FGFR1: variants seen among roughly 807,000 people sequenced by gnomAD.
FGFR1 encodes FGFR1/PLAG1 fusion.
In FGFR1, 18 loss-of-function variants were observed where a neutral mutation model predicts 93.7. The ratio of observed to expected loss-of-function variants is 0.19; its 90% CI spans 0.13 to 0.28. FGFR1 has a LOEUF of 0.28. Among genes scored for constraint, FGFR1 ranks in the 10% least tolerant of loss-of-function variants. The pLI is 1.00. For synonymous variants in FGFR1, 448 were observed against 429.3 expected (o/e 1.04, Z -0.54); for missense variants, 731 against 1,080.4 (o/e 0.68, Z 4.53).
At chr8:38,444,339 T>C (rs1018870129) in intron 2 of FGFR1, among the ~76,000 whole-genome samples, 2 of 151,986 alleles carry the variant, frequency 1.3e-5, no homozygotes, top group Admixed American at 6.6e-5. Context: ...AACATGAACG[T>C]TGAGCATTTA....
intron 2 of FGFR1, among the ~76,000 whole-genome samples, chr8:38,455,435 C>A (rs1025939384): frequency 1.3e-5 from 2 of 152,152 alleles, no homozygotes; most frequent in South Asian, 4.1e-4. Context: ...GGACTACAGG[C>A]GCCTGCCACT....
chr8:38,423,956 C>T, intron 7 of FGFR1: 2 of 187,896 alleles, frequency 1.1e-5, no homozygotes, highest in South Asian at 2.2e-4. Flanking sequence ...AATTACCTTC[C>T]CTGGATTAAT....
chr8:38,427,240 A>T (rs1459117822), intron 5 of FGFR1, among the ~76,000 whole-genome samples: 2 of 152,330 alleles, frequency 1.3e-5, no homozygotes, highest in Middle Eastern at 3.4e-3. Flanking sequence ...AAAACCAGAA[A>T]ATACCTAATA....
intron 6 of FGFR1, among the ~76,000 whole-genome samples, chr8:38,425,770 C>T (rs1393129737): frequency 6.6e-6 from 1 of 152,216 alleles, no homozygotes; most frequent in African/African-American, 2.4e-5. Flanking sequence ...ATGAGCATTA[C>T]AGGGCAGGTA....
chr8:38,413,939 G>A lies in FGFR1; in HGVS notation c.2271C>T (p.Ile757=), dbSNP rs369782405. The A allele has an allele frequency of 1.3e-5, 21 of 1,614,040 alleles. 1 individual carries two copies. In the East Asian group the frequency reaches 1.3e-4, roughly 10 times the overall value. The part of the protein sequence containing the change: ...FKQLVEDLDR[I]VALTSNQEYL... ...TTACCTGGTTGGAGGTCAAGGCCAC[G>A]ATGCGGTCCAGGTCTTCCACCAGCT... The change falls in exon 17 of 18, where the codon ATC becomes ATT. Residue 757 remains isoleucine (I), a synonymous_variant. Coordinates refer to ENST00000447712, the MANE Select transcript of FGFR1 (RefSeq NM_023110.3). The surrounding 1 kb of genome is among the most constrained non-coding windows in gnomAD (Gnocchi z 4.2).
chr8:38,466,696 G>C lies in FGFR1; in HGVS notation c.-89+1285C>G, dbSNP rs573141139. The C allele has an allele frequency of 5.4e-5, 12 of 222,444 alleles. 1 individual carries two copies. In the South Asian group the frequency reaches 2.0e-3, roughly 38 times the overall value. 13.8% of individuals were successfully genotyped at this position (222,444 alleles called of 1,614,324 possible). On this transcript the variant is annotated intron_variant, in intron 1 of 17. Transcript: ENST00000447712. ...GGCTGAAGAATCTGAGTTTTAATTTGGGGGAGGGGGAGGGGAGGAAGAGGG... is the reference window on the plus strand; with the variant it reads ...GGCTGAAGAATCTGAGTTTTAATTTCGGGGAGGGGGAGGGGAGGAAGAGGG...
intron 11 of FGFR1, 132 bp downstream of exon 11, chr8:38,417,738 G>A: frequency 2.3e-6 from 3 of 1,301,148 alleles, no homozygotes; most frequent in Admixed American, 1.7e-5. Context: ...CCACTCCCAG[G>A]TAACCCCAAG....
chr8:38,419,902 G>A (rs774650062), intron 8 of FGFR1, 167 bp from the exon 9 acceptor site: 44 of 619,568 alleles, frequency 7.1e-5, no homozygotes, highest in Non-Finnish European at 1.1e-4. Flanking sequence ...GGAGGATCAG[G>A]CAACCCCCTG....
At chr8:38,466,903 C>T (rs1057428006) in intron 1 of FGFR1, among the ~76,000 whole-genome samples, 5 of 126,098 alleles carry the variant, frequency 4.0e-5, no homozygotes, top group South Asian at 2.9e-4. Context: ...CCACCCCCCC[C>T]CCACCACCAC....
At chr8:38,462,302 G>A (rs990643511) in intron 1 of FGFR1, among the ~76,000 whole-genome samples, 1 of 151,968 alleles carries the variant, frequency 6.6e-6, no homozygotes, top group Non-Finnish European at 1.5e-5. Flanking sequence ...TCAAGAGGTC[G>A]ACACCATCCT....
intron 13 of FGFR1, among the ~76,000 whole-genome samples, chr8:38,415,469 T>A (rs1475224609): frequency 2.1e-5 from 2 of 96,396 alleles, no homozygotes; most frequent in African/African-American, 2.8e-5. Flanking sequence ...AATTTTTTAA[T>A]TTTTTTTTTT....
At position 38,429,784 on chromosome 8, in the gene FGFR1, C is replaced by T. The variant is rs1404670039; in HGVS notation, c.256G>A (p.Val86Met). 3.1e-6 allele frequency: 5 copies of T among 1,611,728 alleles called. No homozygotes were observed. Among genetic ancestry groups the T allele is most frequent in the South Asian group, 2.2e-5 (2 of 90,396 alleles). The change falls in exon 3 of 18, where the codon GTG (valine) becomes ATG (methionine). Residue 86 changes from valine (V) to methionine (M), a missense_variant. By Grantham distance (21) the Val-to-Met change is conservative. Around this residue, in one of 10 missense-constraint regions of FGFR1, gnomAD observed 212 missense variants for 205.8 expected, o/e 1.03. Coordinates refer to ENST00000447712, the MANE Select transcript of FGFR1 (RefSeq NM_023110.3). This position sits in a 1 kb window ranked among gnomAD's most constrained non-coding sequence, Gnocchi z 4.4. ...GCGGGCACGGAGTCCTGCACCTCCACCTCCTCCCCTGTGATGCGGGTGCGG... is the reference window on the plus strand; with the variant it reads ...GCGGGCACGGAGTCCTGCACCTCCATCTCCTCCCCTGTGATGCGGGTGCGG... ...SNRTRITGEE[V>M]EVQDSVPADS...
At chr8:38,458,782 G>A (rs1009828924) in intron 1 of FGFR1, 2 of 220,156 alleles carry the variant, frequency 9.1e-6, no homozygotes, top group Non-Finnish European at 1.8e-5. Context: ...AAAATTGTAC[G>A]AATCACATCC....
At chr8:38,425,013 C>T (rs1586296345) in intron 6 of FGFR1, among the ~76,000 whole-genome samples, 1 of 152,356 alleles carries the variant, frequency 6.6e-6, no homozygotes, top group East Asian at 1.9e-4. Context: ...CCTTAAAAAA[C>T]CAGAGTCACT....
chr8:38,428,660 A>G, intron 3 of FGFR1: 3 of 569,572 alleles, frequency 5.3e-6, no homozygotes, highest in East Asian at 3.0e-5. Context: ...AAGCCTTCAC[A>G]CTGGGTGGTT....
At chr8:38,442,457 TCCCAGCCATGTGTCTGCAGCTGCGA>T (rs1188960841) in intron 2 of FGFR1, among the ~76,000 whole-genome samples, 1 of 151,028 alleles carries the variant, frequency 6.6e-6, no homozygotes, top group East Asian at 2.0e-4. Flanking sequence ...AGCCCAGGCC[TCCCAGCCATGTGTCTGCAGCTGCGA>T]CCTGTCATGC....
In FGFR1 at chr8:38,419,563, G is replaced by A. The variant is rs1385973486; in HGVS notation, c.1254C>T (p.Ala418=). Residue 418 remains alanine (A), a synonymous_variant, in exon 9 of 18, where the codon GCC becomes GCT. Transcript: ENST00000447712. ...CCTGTCTGCGCAGAGGGATGCTCTTGGCCAGCTTGTGCACAGCCATCTGGC... is the reference window on the plus strand; with the variant it reads ...CCTGTCTGCGCAGAGGGATGCTCTTAGCCAGCTTGTGCACAGCCATCTGGC... ...FHSQMAVHKL[A]KSIPLRRQVT... 6.2e-7 allele frequency: 1 copy of A among 1,614,112 alleles called. No homozygotes were observed. The highest frequency in any genetic ancestry group is 1.1e-5 in the South Asian group (1 of 91,076).
At chr8:38,454,255 C>T (rs1378541622) in intron 2 of FGFR1, among the ~76,000 whole-genome samples, 5 of 151,854 alleles carry the variant, frequency 3.3e-5, no homozygotes, top group African/African-American at 4.8e-5. Context: ...CTCATCCCGT[C>T]GGGCTGGCTC....
At chr8:38,462,753 G>C (rs1834692229) in intron 1 of FGFR1, among the ~76,000 whole-genome samples, 1 of 151,800 alleles carries the variant, frequency 6.6e-6, no homozygotes, top group Non-Finnish European at 1.5e-5. Flanking sequence ...ACAGACATGA[G>C]CCACCAAGCC....
Sources: gnomAD v4.1 joint callset for allele counts (sites outside exome capture counted in the v4.1 genomes callset) on GRCh38, gnomAD v4.1.1 for gene constraint, gnomAD v4.1.1 regional missense constraint, Gnocchi (gnomAD v3.1) non-coding constraint, MANE v1.5 for transcripts, NCBI Gene and HGNC (gene_info 2026-07-23, HGNC 2026-07-21) for gene names.